Variants in CCDC190 observed in about 807,000 individuals in gnomAD.
CCDC190 encodes the protein coiled-coil domain-containing protein 190.
CCDC190 carries 10 observed loss-of-function variants against 13.1 expected under a neutral mutation model. The observed-to-expected ratio is 0.77, with a 90% CI of 0.47 to 1.30. The LOEUF (loss-of-function observed/expected upper bound fraction) is 1.30, where lower values mean the gene tolerates loss of function less well. CCDC190 is among the 50% of genes most tolerant of loss of function. The pLI, the probability that CCDC190 is intolerant of heterozygous loss-of-function variation, is 0.00. For missense variants in CCDC190, 375 were observed against 354.3 expected (o/e 1.06, Z -0.47); for synonymous variants, 136 against 127.2 (o/e 1.07, Z -0.47).
Position 162,852,360 on chromosome 1 carries a change from G to C in CCDC190, c.*2405C>G, listed in dbSNP as rs527891850. The C allele has an allele frequency of 6.6e-6, 1 of 152,332 alleles. No individual in the cohort carries two copies. Among genetic ancestry groups the C allele is most frequent in the Admixed American group, 6.5e-5 (1 of 15,310 alleles). The allele number at this position is 152,332 out of a possible 1,614,324, so 9.4% of individuals were successfully genotyped here. On this transcript the variant is annotated 3_prime_UTR_variant, in exon 4 of 4. Transcript: ENST00000367912. ...GACTGGTCGAGAGCAAGCCATCCTA[G>C]AGCACCGTGTGCCACGTCAGGATTA...
chr1:162,863,869 A>T (rs1482590980), upstream of CCDC190, among the ~76,000 whole-genome samples: 1 of 151,212 alleles, frequency 6.6e-6, no homozygotes, highest in Non-Finnish European at 1.5e-5. Context: ...AAATACAAAA[A>T]TTAGCTGGGT....
chr1:162,855,927 C>T (rs1018888171), intron 2 of CCDC190, 172 bp from the exon 3 acceptor site: 22 of 537,774 alleles, frequency 4.1e-5, no homozygotes, highest in East Asian at 4.0e-4. Flanking sequence ...CCTATATTAC[C>T]GGTGTCCTTA....
At position 162,852,414 on chromosome 1, in the gene CCDC190, G is replaced by GTTA. The variant is rs1216312482; in HGVS notation, c.*2348_*2350dup. On this transcript the variant is annotated 3_prime_UTR_variant, in exon 4 of 4. Transcript: ENST00000367912. ...ATTTAAACTGTTTAGAATTTAATGA[G>GTTA]TTACACAAGAAAGGTTCCATGCAGC... The GTTA allele has an allele frequency of 6.6e-6, 1 of 152,246 alleles. No homozygotes were observed. The highest frequency in any genetic ancestry group is 1.5e-5 in the Non-Finnish European group (1 of 68,068). The allele number at this position is 152,246 out of a possible 1,614,324, so 9.4% of individuals were successfully genotyped here. A position where few individuals can be genotyped will look rare whatever the true frequency, so the allele number is the denominator to read the frequency against.
At chr1:162,862,724 T>C (rs1237544203), upstream of CCDC190, among the ~76,000 whole-genome samples, 1 of 152,218 alleles carries the variant, frequency 6.6e-6, no homozygotes, top group Non-Finnish European at 1.5e-5. Flanking sequence ...GGCAGTTATA[T>C]AGGAAGATCT....
intron 3 of CCDC190, 122 bp from the exon 4 acceptor site, chr1:162,855,481 G>A: frequency 6.9e-7 from 1 of 1,456,268 alleles, no homozygotes; most frequent in Non-Finnish European, 9.2e-7. Flanking sequence ...GTGGGAATGG[G>A]GTGGAGGGTG....
In CCDC190 at chr1:162,854,756, G is replaced by A. The variant is rs745470607; in HGVS notation, c.*9C>T. ...ATGGCATATGTTATTGTCAGGCTAT[G>A]TTAAACGGTTAGAGAGGAAGAAACT... On this transcript the variant is annotated 3_prime_UTR_variant, in exon 4 of 4. Transcript: ENST00000367912. The A allele has an allele frequency of 6.3e-7, 1 of 1,595,524 alleles. No homozygotes were observed. The highest frequency in any genetic ancestry group is 1.1e-5 in the South Asian group (1 of 88,332).
chr1:162,856,885 C>G (rs1205169868), intron 2 of CCDC190, among the ~76,000 whole-genome samples: 1 of 152,118 alleles, frequency 6.6e-6, no homozygotes, highest in Non-Finnish European at 1.5e-5. Flanking sequence ...AGAACTTCAC[C>G]TATTCCATAT....
intron 1 of CCDC190, among the ~76,000 whole-genome samples, chr1:162,859,890 A>G (rs912480708): frequency 3.3e-5 from 5 of 152,002 alleles, no homozygotes; most frequent in Non-Finnish European, 5.9e-5. Flanking sequence ...ATACAATACA[A>G]TAGGCTCCCC....
At chr1:162,859,326 C>T in intron 2 of CCDC190, 134 bp downstream of exon 2, 1 of 755,220 alleles carries the variant, frequency 1.3e-6, no homozygotes, top group Non-Finnish European at 2.1e-6. Flanking sequence ...GTTAGGCAGC[C>T]TAAAGTCCTG....
chr1:162,854,343 T>G lies in CCDC190; in HGVS notation c.*422A>C. Reference sequence around the variant, plus strand: ...TTTATAGACCATGTTACAGTACCTATTTACAATCACATTCCTATTCCTACC... The same window carrying G: ...TTTATAGACCATGTTACAGTACCTAGTTACAATCACATTCCTATTCCTACC... On this transcript the variant is annotated 3_prime_UTR_variant, in exon 4 of 4. Coordinates refer to ENST00000367912, the MANE Select transcript of CCDC190 (RefSeq NM_001394065.1). 1 of 993,824 alleles carries G rather than the reference T, an allele frequency of 1.0e-6. No individual in the cohort carries two copies. The allele number at this position is 993,824 out of a possible 1,614,324, so 61.6% of individuals were successfully genotyped here.
chr1:162,868,406 A>T (rs892137192), intron 1 of CCDC190, among the ~76,000 whole-genome samples: 1 of 97,746 alleles, frequency 1.0e-5, no homozygotes, highest in Non-Finnish European at 2.4e-5. Context: ...CATTAACATT[A>T]TACTTTCATA....
At position 162,855,328 on chromosome 1, in the gene CCDC190, A is replaced by G. The variant is rs1367420608; in HGVS notation, c.343T>C (p.Cys115Arg). 1.9e-6 allele frequency: 3 copies of G among 1,612,038 alleles called. No homozygotes were observed. Among genetic ancestry groups the G allele is most frequent in the Non-Finnish European group, 2.5e-6 (3 of 1,179,798 alleles). The change falls in exon 4 of 4, where the codon TGC becomes CGC. Residue 115 changes from cysteine (C) to arginine (R), a missense_variant. Transcript: ENST00000367912. ...GGAGGCACCTGGGACTTGCTTTTGC[A>G]TGTGTCTTGGGCCATACGGGTTGCC... Reference protein sequence around the residue: ...ALATRMAQDTCKSKSQVPPSH... With the variant: ...ALATRMAQDTRKSKSQVPPSH...
intron 1 of CCDC190, among the ~76,000 whole-genome samples, chr1:162,868,045 T>C (rs1264003405): frequency 6.6e-5 from 10 of 152,190 alleles, no homozygotes; most frequent in Admixed American, 6.5e-4. Context: ...ACTGTGAATT[T>C]TAGTGGATAT....
At chr1:162,862,916 A>G (rs1314295315), upstream of CCDC190, among the ~76,000 whole-genome samples, 1 of 152,180 alleles carries the variant, frequency 6.6e-6, no homozygotes, top group African/African-American at 2.4e-5. Context: ...TGAGGAGTTT[A>G]AATTATATGT....
upstream of CCDC190, among the ~76,000 whole-genome samples, chr1:162,861,401 ATCTC>A (rs956335736): frequency 1.3e-5 from 2 of 151,090 alleles, no homozygotes; most frequent in Admixed American, 6.6e-5. Flanking sequence ...TGTGTTCTCA[ATCTC>A]TCTCTCTCCT....
intron 2 of CCDC190, among the ~76,000 whole-genome samples, chr1:162,858,302 C>A (rs532410104): frequency 6.6e-6 from 1 of 152,158 alleles, no homozygotes; most frequent in African/African-American, 2.4e-5. Context: ...CTTTTGTACA[C>A]CCTCCTAAAA....
intron 1 of CCDC190, among the ~76,000 whole-genome samples, chr1:162,866,418 A>G (rs2684869): frequency 0.85 from 129,857 of 152,090 alleles, 56,735 homozygotes; most frequent in Non-Finnish European, 0.95. Flanking sequence ...CGACAAGAGT[A>G]AGACTCCATC....
At chr1:162,856,012 G>A in intron 2 of CCDC190, 1 of 289,754 alleles carries the variant, frequency 3.5e-6, no homozygotes, top group Non-Finnish European at 6.5e-6. Flanking sequence ...ACAGCCATCT[G>A]TAAGCCAAGG....
rs954335609 is a variant in CCDC190 at position 162,851,290 on chromosome 1, A to ATTTTTTTTTTTTTTTTTTTTTTTTT, written c.*3450_*3474dup. 1 of 84,008 alleles carries ATTTTTTTTTTTTTTTTTTTTTTTTT rather than the reference A, an allele frequency of 1.2e-5. No homozygotes were observed. The allele number at this position is 84,008 out of a possible 1,614,324, so 5.2% of individuals were successfully genotyped here. On this transcript the variant is annotated 3_prime_UTR_variant, in exon 4 of 4. Transcript: ENST00000367912. Reference sequence around the variant, plus strand: ...GTCCACACACCTCTGGTTCCTCTCCATTTTTTTTTTTTTTTTTTTTTTTTT... The same window carrying ATTTTTTTTTTTTTTTTTTTTTTTTT: ...GTCCACACACCTCTGGTTCCTCTCCATTTTTTTTTTTTTTTTTTTTTTTTTTTTTTTTTTTTTTTTTTTTTTTTTT...
Sources: gnomAD v4.1 joint callset for allele counts (sites outside exome capture counted in the v4.1 genomes callset) on GRCh38, gnomAD v4.1.1 for gene constraint, MANE v1.5 for transcripts, NCBI Gene and HGNC (gene_info 2026-07-23, HGNC 2026-07-21) for gene names.